SORBS2: variants seen among roughly 807,000 people sequenced by gnomAD.
The protein encoded by SORBS2 is sorbin and SH3 domain-containing protein 2.
A neutral mutation model predicts 97.7 loss-of-function variants in SORBS2; 46 were observed. That is an observed-to-expected ratio of 0.47 (90% CI 0.37 to 0.60). The LOEUF (loss-of-function observed/expected upper bound fraction) is 0.60. SORBS2 is among the 20% of genes least tolerant of loss of function. The pLI is 0.00. For missense variants in SORBS2, 1,316 were observed against 1,282.3 expected, an observed-to-expected ratio of 1.03 and a Z score of -0.40; for synonymous variants, 476 against 473.4, an observed-to-expected ratio of 1.01 and a Z score of -0.07.
At position 185,728,487 on chromosome 4, in the gene SORBS2, T is replaced by G. The variant is rs373878637; in HGVS notation, c.-198+46740A>C. ...GATGAAAACTGGTAATACTTCTTTC[T>G]CCATTTGTTTTGTGTAAGCATGGTG... On this transcript the variant is annotated intron_variant, in intron 2 of 20. Transcript: ENST00000284776. 2.5e-4 allele frequency among the ~76,000 whole-genome samples: 38 copies of G among 152,338 alleles called. 1 individual carries two copies. The East Asian group carries it at 5.0e-3, about 20-fold the overall frequency.
At chr4:185,954,178 C>A (rs2099278522) in intron 1 of SORBS2, among the ~76,000 whole-genome samples, 1 of 152,138 alleles carries the variant, frequency 6.6e-6, no homozygotes. Flanking sequence ...AAATAATACC[C>A]CCTCTATAGT....
intron 1 of SORBS2, among the ~76,000 whole-genome samples, chr4:185,847,299 C>T (rs1323995473): frequency 6.6e-6 from 1 of 152,174 alleles, no homozygotes; most frequent in Non-Finnish European, 1.5e-5. Flanking sequence ...TGAGTGGACA[C>T]TTTCTTTGGG....
At chr4:185,637,765 A>C (rs2097045456) in intron 4 of SORBS2, among the ~76,000 whole-genome samples, 1 of 152,090 alleles carries the variant, frequency 6.6e-6, no homozygotes, top group Non-Finnish European at 1.5e-5. Context: ...CTGTAAACAA[A>C]TACAAATCTT....
chr4:185,637,233 A>C (rs997544009), intron 4 of SORBS2, among the ~76,000 whole-genome samples: 3 of 152,214 alleles, frequency 2.0e-5, no homozygotes, highest in Non-Finnish European at 4.4e-5. Flanking sequence ...CTATGTTTAG[A>C]TATGTTTAGG....
At chr4:185,853,042 A>G (rs2099218795) in intron 1 of SORBS2, among the ~76,000 whole-genome samples, 1 of 152,156 alleles carries the variant, frequency 6.6e-6, no homozygotes, top group Admixed American at 6.6e-5. Flanking sequence ...ACTCCCACAA[A>G]TATACAGGAG....
intron 9 of SORBS2, among the ~76,000 whole-genome samples, chr4:185,616,695 C>T (rs1268625871): frequency 6.6e-6 from 1 of 152,122 alleles, no homozygotes; most frequent in African/African-American, 2.4e-5. Flanking sequence ...AACTGTGTCC[C>T]TCTCATCTCA....
At chr4:185,884,993 A>G (rs1484207275) in intron 1 of SORBS2, among the ~76,000 whole-genome samples, 1 of 152,180 alleles carries the variant, frequency 6.6e-6, no homozygotes, top group Admixed American at 6.5e-5. Context: ...TCTGTTCTCA[A>G]TGTACGCAGC....
chr4:185,695,947 T>C (rs1561967115), intron 2 of SORBS2, among the ~76,000 whole-genome samples: 2 of 152,136 alleles, frequency 1.3e-5, no homozygotes, highest in African/African-American at 2.4e-5. Flanking sequence ...GGCATGACTG[T>C]CCATGCTCAT....
intron 1 of SORBS2, among the ~76,000 whole-genome samples, chr4:185,926,023 A>T (rs762226234): frequency 8.5e-5 from 13 of 152,178 alleles, no homozygotes; most frequent in Non-Finnish European, 1.5e-4. Context: ...GCACACACAG[A>T]CTCGGAGGAG....
intron 4 of SORBS2, among the ~76,000 whole-genome samples, chr4:185,667,708 G>C (rs62336101): frequency 6.8e-6 from 1 of 146,852 alleles, no homozygotes; most frequent in African/African-American, 2.5e-5. Context: ...ATATATATAC[G>C]TATATATATA....
intron 1 of SORBS2, among the ~76,000 whole-genome samples, chr4:185,934,406 C>G (rs2099267902): frequency 6.6e-6 from 1 of 152,134 alleles, no homozygotes; most frequent in Non-Finnish European, 1.5e-5. Flanking sequence ...ATCCAATTTG[C>G]TTTTGTTTAG....
intron 5 of SORBS2, among the ~76,000 whole-genome samples, chr4:185,627,487 G>A (rs2096835309): frequency 6.6e-6 from 1 of 152,128 alleles, no homozygotes; most frequent in East Asian, 1.9e-4. Flanking sequence ...TGAAGTGTTG[G>A]GATTACAGGC....
At chr4:185,845,361 A>G (rs755668473) in intron 1 of SORBS2, among the ~76,000 whole-genome samples, 9 of 152,158 alleles carry the variant, frequency 5.9e-5, no homozygotes, top group African/African-American at 1.7e-4. Context: ...TGGTTTTGCA[A>G]TATTGTGAAG....
chr4:185,815,943 C>T (rs549146024), intron 1 of SORBS2, among the ~76,000 whole-genome samples: 1 of 152,160 alleles, frequency 6.6e-6, no homozygotes, highest in Admixed American at 6.5e-5. Flanking sequence ...AGAATAGACA[C>T]AGAGTTAAGG....
Position 185,606,519 on chromosome 4 carries a change from TTAACTC to T in SORBS2, c.2796+5255_2796+5260del. The T allele has an allele frequency of 1.0e-6, 1 of 984,094 alleles. No homozygotes were observed. Among genetic ancestry groups the T allele is most frequent in the Non-Finnish European group, 1.2e-6 (1 of 828,688 alleles). 61.0% of individuals were successfully genotyped at this position (984,094 alleles called of 1,614,324 possible). A position where few individuals can be genotyped will look rare whatever the true frequency, so the allele number is the denominator to read the frequency against. On this transcript the variant is annotated intron_variant, in intron 12 of 14. Transcript: ENST00000418609. This position sits in a 1 kb window ranked among gnomAD's most constrained non-coding sequence, Gnocchi z 4.3. ...TCAAAATAGGTATTTATTAATATGA[TTAACTC>T]TAATAGCTAATCATGGTAAGGCCGG...
exon 3 of SORBS2, chr4:185,649,522 G>A: frequency 2.5e-6 from 4 of 1,604,412 alleles, no homozygotes; most frequent in Admixed American, 1.7e-5. Flanking sequence ...GGTGGAACAT[G>A]TGGGGGAGGC....
chr4:185,817,841 G>A (rs2099194214), intron 1 of SORBS2, among the ~76,000 whole-genome samples: 1 of 152,178 alleles, frequency 6.6e-6, no homozygotes. Flanking sequence ...CAAAAGAAGT[G>A]AAAATTAGAG....
At chr4:185,887,474 A>G (rs35578127) in intron 1 of SORBS2, among the ~76,000 whole-genome samples, 35,868 of 152,180 alleles carry the variant, frequency 0.24, 4,573 homozygotes, top group East Asian at 0.54. Context: ...GGCATCGCAG[A>G]CCGTGGCATT....
chr4:185,618,416 T>C (rs2153415913), intron 9 of SORBS2, among the ~76,000 whole-genome samples, 169 bp downstream of exon 21: 1 of 152,360 alleles, frequency 6.6e-6, no homozygotes, highest in South Asian at 2.1e-4. Context: ...AATTCTCAAC[T>C]AAACTTAAAA....
Sources: gnomAD v4.1 joint callset for allele counts (sites outside exome capture counted in the v4.1 genomes callset) on GRCh38, gnomAD v4.1.1 for gene constraint, Gnocchi (gnomAD v3.1) non-coding constraint, MANE v1.5 for transcripts, NCBI Gene and HGNC (gene_info 2026-07-23, HGNC 2026-07-21) for gene names.